Variants in FARS2 observed in about 807,000 individuals in gnomAD.
FARS2 encodes phenylalanine--tRNA ligase, mitochondrial.
Under a neutral mutation model 46.4 loss-of-function variants are expected in FARS2, and 40 were observed. That is an observed-to-expected ratio of 0.86 (90% CI 0.67 to 1.12). FARS2 has a LOEUF of 1.12. Among genes scored for constraint, FARS2 ranks in the 50% most tolerant of loss-of-function variants. The pLI is 0.00. For synonymous variants in FARS2, 234 were observed against 214.9 expected, an observed-to-expected ratio of 1.09 and a Z score of -0.78; for missense variants, 513 against 567.9, an observed-to-expected ratio of 0.90 and a Z score of 0.98.
chr6:5,771,258 C>T (rs1763032396), intron 6 of FARS2, 33 bp from the exon 7 acceptor site: 1 of 1,613,314 alleles, frequency 6.2e-7, no homozygotes, highest in Admixed American at 1.7e-5. Context: ...CTTGTTCATC[C>T]CGCACTCACC....
intron 1 of FARS2, among the ~76,000 whole-genome samples, chr6:5,283,982 G>T (rs1374983917): frequency 6.6e-6 from 1 of 152,192 alleles, no homozygotes; most frequent in African/African-American, 2.4e-5. Flanking sequence ...CATTTAAAAT[G>T]TTGATAGATA....
chr6:5,359,071 G>C (rs1758133987), intron 1 of FARS2, among the ~76,000 whole-genome samples: 1 of 102,304 alleles, frequency 9.8e-6, no homozygotes, highest in Non-Finnish European at 1.8e-5. Context: ...ATGGAGGCTT[G>C]CTCTGTCACC....
chr6:5,446,410 C>T (rs1562047155), intron 4 of FARS2, among the ~76,000 whole-genome samples: 1 of 152,184 alleles, frequency 6.6e-6, no homozygotes, highest in East Asian at 1.9e-4. Flanking sequence ...ATTTGATACT[C>T]CATTTAGTAG....
chr6:5,437,415 TTAG>T (rs1763584945), intron 4 of FARS2, among the ~76,000 whole-genome samples: 1 of 152,218 alleles, frequency 6.6e-6, no homozygotes, highest in Admixed American at 6.5e-5. Flanking sequence ...TTTTTTGGTC[TTAG>T]TACTCTATCA....
chr6:5,568,835 G>A (rs1002519916), intron 5 of FARS2, among the ~76,000 whole-genome samples: 4 of 152,208 alleles, frequency 2.6e-5, no homozygotes, highest in East Asian at 1.9e-4. Flanking sequence ...GAGCCCACTC[G>A]AGGCCCGGCA....
chr6:5,663,594 G>A (rs1418515934), intron 6 of FARS2, among the ~76,000 whole-genome samples: 5 of 152,266 alleles, frequency 3.3e-5, no homozygotes, highest in African/African-American at 1.2e-4. Flanking sequence ...GAGGACTTGA[G>A]AGCTTAAAAG....
At chr6:5,535,469 TC>T (rs554819055) in intron 4 of FARS2, among the ~76,000 whole-genome samples, 61 of 152,338 alleles carry the variant, frequency 4.0e-4, no homozygotes, top group African/African-American at 1.4e-3. Context: ...TAATTTTACT[TC>T]TTCTTTTTCA....
chr6:5,307,210 C>T (rs938823542), intron 1 of FARS2, among the ~76,000 whole-genome samples: 1 of 152,190 alleles, frequency 6.6e-6, no homozygotes, highest in Non-Finnish European at 1.5e-5. Flanking sequence ...TCCAATGGCT[C>T]AGTCCTTTAC....
chr6:5,568,067 A>T (rs913464179), intron 5 of FARS2, among the ~76,000 whole-genome samples: 6 of 152,224 alleles, frequency 3.9e-5, no homozygotes, highest in African/African-American at 1.4e-4. Context: ...TTGACTTGTG[A>T]TTATGTGAAC....
chr6:5,390,155 C>T (rs1212497580), intron 2 of FARS2, among the ~76,000 whole-genome samples: 2 of 152,240 alleles, frequency 1.3e-5, no homozygotes, highest in Non-Finnish European at 2.9e-5. Flanking sequence ...TGAGCCACTG[C>T]ACCCAGCCTC....
In FARS2 at chr6:5,302,370, A is replaced by G. The variant is rs6934418; in HGVS notation, c.-22+40710A>G. Among the ~76,000 whole-genome samples, 1,462 of 152,312 alleles carry G rather than the reference A, an allele frequency of 9.6e-3. 24 individuals are homozygous for G. The highest frequency in any genetic ancestry group is 0.033 in the African/African-American group (1,378 of 41,572). ...GGTAGATAGCAAGGCTTTGCTGTCC[A>G]GAGAGATTACATCTCCCTTGTGTCA... On this transcript the variant is annotated intron_variant, in intron 1 of 6. Transcript: ENST00000274680.
At chr6:5,609,161 C>T (rs148142320) in intron 5 of FARS2, 36 of 816,816 alleles carry the variant, frequency 4.4e-5, no homozygotes, top group East Asian at 1.0e-4. Context: ...TTCACAAATC[C>T]GTTGTAACCT....
chr6:5,478,615 G>A (rs963453459), intron 4 of FARS2, among the ~76,000 whole-genome samples: 14 of 152,098 alleles, frequency 9.2e-5, no homozygotes, highest in Non-Finnish European at 1.5e-4. Flanking sequence ...CAAGATAAGC[G>A]TTCAAACCAC....
At chr6:5,649,372 C>T (rs1460020421) in intron 6 of FARS2, among the ~76,000 whole-genome samples, 3 of 152,188 alleles carry the variant, frequency 2.0e-5, no homozygotes, top group East Asian at 3.8e-4. Flanking sequence ...TAAACTTTTA[C>T]ATAACCAAAG....
intron 3 of FARS2, among the ~76,000 whole-genome samples, chr6:5,424,398 C>G (rs779517414): frequency 8.5e-5 from 13 of 152,286 alleles, no homozygotes; most frequent in East Asian, 5.8e-4. Context: ...AAGTGTGTAT[C>G]AGTAAGACTT....
chr6:5,746,581 G>T (rs1761655052), intron 6 of FARS2, among the ~76,000 whole-genome samples: 1 of 150,740 alleles, frequency 6.6e-6, no homozygotes, highest in Non-Finnish European at 1.5e-5. Flanking sequence ...TATTGTCCTG[G>T]CCTCCAGGTG....
the FARS2 span, among the ~76,000 whole-genome samples, chr6:5,254,365 T>C: frequency 2.0e-5 from 3 of 152,346 alleles, no homozygotes; most frequent in Admixed American, 6.5e-5. Flanking sequence ...CAAGAGTTTG[T>C]AGAATCCCGA....
chr6:5,747,043 T>C (rs1239183500), intron 6 of FARS2, among the ~76,000 whole-genome samples: 1 of 152,144 alleles, frequency 6.6e-6, no homozygotes, highest in Non-Finnish European at 1.5e-5. Context: ...AAGAGCATTC[T>C]AGACAGAGGG....
At chr6:5,473,541 A>AAC (rs1554099137) in intron 4 of FARS2, among the ~76,000 whole-genome samples, 17 of 56,318 alleles carry the variant, frequency 3.0e-4, no homozygotes, top group East Asian at 1.1e-3. Flanking sequence ...AACAAAAAAA[A>AAC]AAACAAAAAA....
Sources: gnomAD v4.1 joint callset for allele counts (sites outside exome capture counted in the v4.1 genomes callset) on GRCh38, gnomAD v4.1.1 for gene constraint, MANE v1.5 for transcripts, NCBI Gene and HGNC (gene_info 2026-07-23, HGNC 2026-07-21) for gene names.